ATXN10: variants seen among roughly 807,000 people sequenced by gnomAD.
ATXN10 encodes ataxin-10.
ATXN10 carries 28 observed loss-of-function variants against 52.9 expected under a neutral mutation model. That is an observed-to-expected ratio of 0.53 (90% confidence interval 0.39 to 0.73). The LOEUF is 0.73. Ranked by LOEUF, ATXN10 falls within the 30% of genes least tolerant of loss-of-function variation. The pLI is 0.00. For missense variants in ATXN10, 565 were observed against 577.0 expected, an observed-to-expected ratio of 0.98 and a Z score of 0.21; for synonymous variants, 226 against 221.5, an observed-to-expected ratio of 1.02 and a Z score of -0.18.
intron 8 of ATXN10, 97 bp downstream of exon 8, chr22:45,738,936 A>T: frequency 8.8e-7 from 1 of 1,139,646 alleles, no homozygotes; most frequent in Non-Finnish European, 1.3e-6. Flanking sequence ...TTTTCAGTGT[A>T]CTTTGGGAAT....
rs1927261094 is a variant in ATXN10 at position 45,784,637 on chromosome 22, C to A, written c.1174-22322C>A. Among the ~76,000 whole-genome samples, 1 of 152,092 alleles carries A rather than the reference C, an allele frequency of 6.6e-6. No homozygotes were observed. Among genetic ancestry groups the A allele is most frequent in the South Asian group, 2.1e-4 (1 of 4,818 alleles). On this transcript the variant is annotated intron_variant, in intron 9 of 11. Transcript: ENST00000252934. The surrounding 1 kb of genome is among the most constrained non-coding windows in gnomAD (Gnocchi z 4.2). ...GCTTCCTGTGGGCTCGCCTGTCGAC[C>A]CCCTCCCTGTGCCCAGAGGACACAC...
Position 45,754,788 on chromosome 22 carries a change from G to A in ATXN10, c.1173+14250G>A, listed in dbSNP as rs894371436. 2.0e-5 allele frequency among the ~76,000 whole-genome samples: 3 copies of A among 152,260 alleles called. No homozygotes were observed. Among genetic ancestry groups the A allele is most frequent in the Non-Finnish European group, 2.9e-5 (2 of 68,050 alleles). On this transcript the variant is annotated intron_variant, in intron 9 of 11. Coordinates refer to ENST00000252934, the MANE Select transcript of ATXN10 (RefSeq NM_013236.4). The surrounding 1 kb of genome is among the most constrained non-coding windows in gnomAD (Gnocchi z 5.4). ...GAGGATCGCTTGAACTCTGGAGGCA[G>A]AGGTTGCAGTGAGCTGAGATCGTGC... is the stretch of plus-strand genomic sequence containing the variant.
chr22:45,741,918 TC>T (rs1003989379), intron 9 of ATXN10, among the ~76,000 whole-genome samples: 5 of 152,104 alleles, frequency 3.3e-5, no homozygotes, highest in African/African-American at 1.2e-4. Flanking sequence ...TACAAAATCT[TC>T]CGTCTTTCTA....
rs1925907937 is a variant in ATXN10, at chr22:45,750,520, C to T, written c.1173+9982C>T. Among the ~76,000 whole-genome samples, 1 of 152,148 alleles carries T rather than the reference C, an allele frequency of 6.6e-6. No individual in the cohort carries two copies. Among genetic ancestry groups the T allele is most frequent in the African/African-American group, 2.4e-5 (1 of 41,418 alleles). ...CCAGCTGTATAAACTGAGAGCTGTA[C>T]CTTGTTCCTGTATGGAAGTATGGAA... On this transcript the variant is annotated intron_variant, in intron 9 of 11. Coordinates refer to ENST00000252934, the MANE Select transcript of ATXN10 (RefSeq NM_013236.4). This position sits in a 1 kb window ranked among gnomAD's most constrained non-coding sequence, Gnocchi z 4.2.
chr22:45,783,852 A>G lies in ATXN10; in HGVS notation c.1174-23107A>G, dbSNP rs771395209. On this transcript the variant is annotated intron_variant, in intron 9 of 11. Coordinates refer to ENST00000252934, the MANE Select transcript of ATXN10 (RefSeq NM_013236.4). This position sits in a 1 kb window ranked among gnomAD's most constrained non-coding sequence, Gnocchi z 5.0. Reference sequence around the variant, plus strand: ...CTGTTGTCATGTTTGTGTCATGCTGATGGCACGATTCCCGAGGGCACCGAG... The same window carrying G: ...CTGTTGTCATGTTTGTGTCATGCTGGTGGCACGATTCCCGAGGGCACCGAG... Among the ~76,000 whole-genome samples the G allele has an allele frequency of 2.0e-5, 3 of 152,192 alleles. No individual in the cohort carries two copies. Among genetic ancestry groups the G allele is most frequent in the Non-Finnish European group, 4.4e-5 (3 of 68,036 alleles).
At chr22:45,742,743 C>A (rs947464176) in intron 9 of ATXN10, among the ~76,000 whole-genome samples, 1 of 152,166 alleles carries the variant, frequency 6.6e-6, no homozygotes, top group Admixed American at 6.5e-5. Flanking sequence ...TGAGACATGG[C>A]GCAGAACCAA....
intron 6 of ATXN10, among the ~76,000 whole-genome samples, chr22:45,726,004 C>T (rs190623207): frequency 7.7e-4 from 117 of 152,258 alleles, no homozygotes; most frequent in Non-Finnish European, 1.4e-3. Flanking sequence ...ATGAAACCCA[C>T]TTGATTATGG....
At chr22:45,834,828 C>T (rs1929112584) in intron 10 of ATXN10, among the ~76,000 whole-genome samples, 1 of 152,200 alleles carries the variant, frequency 6.6e-6, no homozygotes, top group African/African-American at 2.4e-5. Context: ...AGGCACTCTG[C>T]TAACCATGCT....
Position 45,695,106 on chromosome 22 carries a change from G to A in ATXN10, c.391+2028G>A, listed in dbSNP as rs1382696641. Among the ~76,000 whole-genome samples, 4 of 151,856 alleles carry A rather than the reference G, an allele frequency of 2.6e-5. No individual in the cohort carries two copies. In the South Asian group the frequency reaches 8.3e-4, roughly 32 times the overall value. Reference sequence around the variant, plus strand: ...AGCACTTTGGGAGGCTGAAGTGGGCGGATCACGAGGTCAGGAGATCTACCT... The same window carrying A: ...AGCACTTTGGGAGGCTGAAGTGGGCAGATCACGAGGTCAGGAGATCTACCT... On this transcript the variant is annotated intron_variant, in intron 3 of 11. Transcript: ENST00000252934.
rs553999086 is a variant in ATXN10 at position 45,833,209 on chromosome 22, A to G, written c.1238-9782A>G. On this transcript the variant is annotated intron_variant, in intron 10 of 11. Coordinates refer to ENST00000252934, the MANE Select transcript of ATXN10 (RefSeq NM_013236.4). The surrounding 1 kb of genome is among the most constrained non-coding windows in gnomAD (Gnocchi z 4.3). ...TCCTTGGGAAGCGCACGCATCTGGT[A>G]TCTGTCCCTGTTCACCCTGCAAGCC... Among the ~76,000 whole-genome samples, 40 of 152,308 alleles carry G rather than the reference A, an allele frequency of 2.6e-4. No individual in the cohort carries two copies. The highest frequency in any genetic ancestry group is 9.1e-4 in the African/African-American group (38 of 41,562).
At position 45,842,726 on chromosome 22, in the gene ATXN10, A is replaced by G. The variant is rs1424750903; in HGVS notation, c.1238-265A>G. Among the ~76,000 whole-genome samples, 1 of 152,136 alleles carries G rather than the reference A, an allele frequency of 6.6e-6. No homozygotes were observed. The highest frequency in any genetic ancestry group is 1.5e-5 in the Non-Finnish European group (1 of 68,046). Reference sequence around the variant, plus strand: ...TCTTTGCTTCCTTGTTCATTCATTCAACAAATACTGAGTAAATCTCTCTGG... The same window carrying G: ...TCTTTGCTTCCTTGTTCATTCATTCGACAAATACTGAGTAAATCTCTCTGG... On this transcript the variant is annotated intron_variant, in intron 10 of 11. Transcript: ENST00000252934. The surrounding 1 kb of genome is among the most constrained non-coding windows in gnomAD (Gnocchi z 4.8).
At chr22:45,765,556 C>A (rs1926552638) in intron 9 of ATXN10, among the ~76,000 whole-genome samples, 1 of 152,144 alleles carries the variant, frequency 6.6e-6, no homozygotes, top group Non-Finnish European at 1.5e-5. Context: ...TCCACCTGCA[C>A]CTTGGCATTA....
At chr22:45,706,739 A>G (rs1248920222) in intron 5 of ATXN10, among the ~76,000 whole-genome samples, 1 of 21,306 alleles carries the variant, frequency 4.7e-5, no homozygotes, top group East Asian at 1.6e-3. Context: ...CCCACTTTAT[A>G]TGATTTCATT....
At chr22:45,831,811 G>A (rs1030954461) in intron 10 of ATXN10, among the ~76,000 whole-genome samples, 1 of 152,186 alleles carries the variant, frequency 6.6e-6, no homozygotes, top group African/African-American at 2.4e-5. Flanking sequence ...CCTCATTGGC[G>A]AAAGGATGTG....
chr22:45,753,853 A>G (rs1926081205), intron 9 of ATXN10, among the ~76,000 whole-genome samples: 1 of 152,144 alleles, frequency 6.6e-6, no homozygotes, highest in Non-Finnish European at 1.5e-5. Context: ...TTTAACTGCT[A>G]CACAGAGATT....
rs1569068109 is a variant in ATXN10, at chr22:45,795,410, ATTCTATTCTATTC to A, written c.1174-11546_1174-11534del. Among the ~76,000 whole-genome samples, 158 of 145,894 alleles carry A rather than the reference ATTCTATTCTATTC, an allele frequency of 1.1e-3. No individual in the cohort carries two copies. Among genetic ancestry groups the A allele is most frequent in the African/African-American group, 1.3e-3 (52 of 39,006 alleles). On this transcript the variant is annotated intron_variant, in intron 9 of 11. Coordinates refer to ENST00000252934, the MANE Select transcript of ATXN10 (RefSeq NM_013236.4). This position sits in a 1 kb window ranked among gnomAD's most constrained non-coding sequence, Gnocchi z 4.6. The stretch of plus-strand genomic sequence containing the variant: ...ATTCTATTCTATTCTATTCTATTCT[ATTCTATTCTATTC>A]TTTTTGAGATGAAGTCTCTCTATGT...
chr22:45,786,503 C>T lies in ATXN10; in HGVS notation c.1174-20456C>T, dbSNP rs1927328129. ...CGAAGCTGGGCGCCAGTGCAGCCCG[C>T]ACTTTATCACCCTTCCTGCCAGGGC... On this transcript the variant is annotated intron_variant, in intron 9 of 11. Transcript: ENST00000252934. The surrounding 1 kb of genome is among the most constrained non-coding windows in gnomAD (Gnocchi z 4.1). Among the ~76,000 whole-genome samples, 1 of 152,226 alleles carries T rather than the reference C, an allele frequency of 6.6e-6. No homozygotes were observed. The highest frequency in any genetic ancestry group is 1.5e-5 in the Non-Finnish European group (1 of 68,052).
rs566871318 is a variant in ATXN10, at chr22:45,818,232, C to T, written c.1237+11210C>T. 6.6e-6 allele frequency among the ~76,000 whole-genome samples: 1 copy of T among 152,312 alleles called. No homozygotes were observed. The highest frequency in any genetic ancestry group is 2.1e-4 in the South Asian group (1 of 4,822). On this transcript the variant is annotated intron_variant, in intron 10 of 11. Transcript: ENST00000252934. The surrounding 1 kb of genome is among the most constrained non-coding windows in gnomAD (Gnocchi z 4.6). Reference sequence around the variant, plus strand: ...CTGTGTCAGCACACTGGGAGTTTTACAGTGTACGGATTGGCAGACAGCCTG... The same window carrying T: ...CTGTGTCAGCACACTGGGAGTTTTATAGTGTACGGATTGGCAGACAGCCTG...
chr22:45,806,938 ACTTAT>A lies in ATXN10; in HGVS notation c.1174-17_1174-13del. The stretch of plus-strand genomic sequence containing the variant: ...TAGCCATGCTGTTTTCAGTGTATAA[ACTTAT>A]CTTCTTTCTCTCTAGGTAAATGAGC... On this transcript the variant is annotated splice_polypyrimidine_tract_variant and intron_variant, in intron 9 of 11. Coordinates refer to ENST00000252934, the MANE Select transcript of ATXN10 (RefSeq NM_013236.4). 4 of 1,602,168 alleles carry A rather than the reference ACTTAT, an allele frequency of 2.5e-6. No homozygotes were observed. Among genetic ancestry groups the A allele is most frequent in the Non-Finnish European group, 3.4e-6 (4 of 1,169,188 alleles).
Sources: allele counts gnomAD v4.1 joint callset (sites outside exome capture counted in the v4.1 genomes callset), GRCh38; gene constraint gnomAD v4.1.1; non-coding constraint Gnocchi (gnomAD v3.1); transcripts MANE v1.5; gene names NCBI Gene and HGNC (gene_info 2026-07-23, HGNC 2026-07-21).